ARHGAP20: variants seen among roughly 807,000 people sequenced by gnomAD.
The protein encoded by ARHGAP20 is rho GTPase-activating protein 20.
A neutral mutation model predicts 73.7 loss-of-function variants in ARHGAP20; 34 were observed. The observed-to-expected ratio is 0.46, with a 90% CI of 0.35 to 0.61. The LOEUF is 0.61. ARHGAP20 is among the 20% of genes least tolerant of loss of function. The pLI is 0.00. For missense variants in ARHGAP20, 1,314 were observed against 1,420.9 expected (o/e 0.92, Z 1.21); for synonymous variants, 523 against 518.2 (o/e 1.01, Z -0.13).
chr11:110,606,889 A>G, intron 8 of ARHGAP20, 140 bp from the exon 9 acceptor site: 1 of 727,476 alleles, frequency 1.4e-6, no homozygotes, highest in Non-Finnish European at 2.0e-6. Flanking sequence ...ATGATCATTT[A>G]CACTCTTACA....
rs371865417 is a variant in ARHGAP20 at position 110,606,649 on chromosome 11, C to A, written c.876G>T (p.Glu292Asp). The A allele has an allele frequency of 6.2e-7, 1 of 1,610,946 alleles. No homozygotes were observed. Among genetic ancestry groups the A allele is most frequent in the Non-Finnish European group, 8.5e-7 (1 of 1,179,158 alleles). Residue 292 changes from glutamate (E) to aspartate (D), a missense_variant, in exon 9 of 15, where the codon GAG becomes GAT. By Grantham distance (45) the Glu-to-Asp change is conservative. Transcript: ENST00000683387. Reference sequence around the variant, plus strand: ...GGGGGAGCTGTTCCATAAGGAAGGGCTCCTGGAGGTTGAAAGGGGTGGTAG... The same window carrying A: ...GGGGGAGCTGTTCCATAAGGAAGGGATCCTGGAGGTTGAAAGGGGTGGTAG... ...KDSTTPFNLQ[E>D]PFLMEQLPRE...
At chr11:110,685,606 T>G (rs899702894) in intron 2 of ARHGAP20, among the ~76,000 whole-genome samples, 1 of 152,172 alleles carries the variant, frequency 6.6e-6, no homozygotes, top group African/African-American at 2.4e-5. Flanking sequence ...AACTCATCAG[T>G]TAATTTAAAT....
intron 2 of ARHGAP20, among the ~76,000 whole-genome samples, chr11:110,669,002 T>C (rs1342671841): frequency 1.3e-5 from 2 of 152,044 alleles, no homozygotes; most frequent in Admixed American, 1.3e-4. Flanking sequence ...AAATGTAAAA[T>C]CTGAAACTAT....
intron 2 of ARHGAP20, among the ~76,000 whole-genome samples, chr11:110,635,878 T>C (rs552979750): frequency 3.2e-4 from 48 of 152,150 alleles, no homozygotes; most frequent in African/African-American, 1.2e-3. Flanking sequence ...TTCAAATGTA[T>C]AGAAAACAAA....
intron 11 of ARHGAP20, among the ~76,000 whole-genome samples, chr11:110,587,745 T>A (rs1947708428): frequency 1.3e-5 from 2 of 151,206 alleles, no homozygotes; most frequent in African/African-American, 4.8e-5. Context: ...TTTGTAGTCA[T>A]GTCACTTTAT....
At chr11:110,627,856 T>C (rs1948778341) in intron 3 of ARHGAP20, among the ~76,000 whole-genome samples, 1 of 152,208 alleles carries the variant, frequency 6.6e-6, no homozygotes, top group Admixed American at 6.5e-5. Context: ...AGAAAACTCA[T>C]GATTTTATTG....
intron 2 of ARHGAP20, among the ~76,000 whole-genome samples, chr11:110,671,510 G>A (rs899189879): frequency 5.3e-5 from 8 of 151,944 alleles, no homozygotes; most frequent in East Asian, 1.9e-4. Flanking sequence ...TGAGGCAAGC[G>A]AAGGAAATAA....
intron 2 of ARHGAP20, among the ~76,000 whole-genome samples, chr11:110,668,759 C>T (rs549193710): frequency 3.3e-5 from 5 of 152,304 alleles, no homozygotes; most frequent in African/African-American, 4.8e-5. Flanking sequence ...GGGAAACCAA[C>T]AAATTCATGC....
At chr11:110,647,887 G>A (rs1215832241) in intron 2 of ARHGAP20, among the ~76,000 whole-genome samples, 7 of 151,778 alleles carry the variant, frequency 4.6e-5, no homozygotes, top group South Asian at 2.1e-4. Context: ...AGGATCTCCC[G>A]TCTGAGAATG....
At chr11:110,614,412 A>C in intron 6 of ARHGAP20, 149 bp downstream of exon 6, 2 of 641,626 alleles carry the variant, frequency 3.1e-6, no homozygotes, top group South Asian at 4.0e-5. Context: ...AGGAAAATGC[A>C]TTTTCCCCCT....
At chr11:110,614,415 T>A in intron 6 of ARHGAP20, 146 bp downstream of exon 6, 1 of 647,930 alleles carries the variant, frequency 1.5e-6, no homozygotes, top group Non-Finnish European at 2.7e-6. Flanking sequence ...AAAATGCATT[T>A]TCCCCCTGTG....
chr11:110,662,411 T>G (rs1949634562), intron 2 of ARHGAP20, among the ~76,000 whole-genome samples: 1 of 151,906 alleles, frequency 6.6e-6, no homozygotes, highest in Non-Finnish European at 1.5e-5. Context: ...ATAGAAAAAC[T>G]ATTCCACGTG....
intron 9 of ARHGAP20, among the ~76,000 whole-genome samples, chr11:110,595,659 G>T (rs1040377591): frequency 5.9e-5 from 9 of 152,140 alleles, no homozygotes; most frequent in Non-Finnish European, 1.2e-4. Context: ...CAAACAAATG[G>T]AAGAACATTC....
At chr11:110,664,224 A>G (rs1311735819) in intron 2 of ARHGAP20, among the ~76,000 whole-genome samples, 3 of 152,202 alleles carry the variant, frequency 2.0e-5, no homozygotes, top group Non-Finnish European at 4.4e-5. Context: ...CTAGATTGTA[A>G]GGAAGAAGTA....
intron 2 of ARHGAP20, among the ~76,000 whole-genome samples, chr11:110,660,706 G>A (rs1027986957): frequency 2.8e-4 from 42 of 152,092 alleles, no homozygotes; most frequent in African/African-American, 9.9e-4. Context: ...ACATTCTCAG[G>A]TGAATATTTT....
intron 4 of ARHGAP20, among the ~76,000 whole-genome samples, chr11:110,616,609 C>A (rs575281543): frequency 6.6e-6 from 1 of 151,710 alleles, no homozygotes; most frequent in East Asian, 1.9e-4. Context: ...CATTTATTCA[C>A]TAACTTTATT....
chr11:110,581,007 C>CATCT lies in ARHGAP20; in HGVS notation c.1935_1938dup (p.Glu647ArgfsTer2). 1 of 1,614,180 alleles carries CATCT rather than the reference C, an allele frequency of 6.2e-7. No individual in the cohort carries two copies. Among genetic ancestry groups the CATCT allele is most frequent in the African/African-American group, 1.3e-5 (1 of 75,036 alleles). On this transcript the variant is annotated frameshift_variant, in exon 15 of 15. Coordinates refer to ENST00000683387, the MANE Select transcript of ARHGAP20 (RefSeq NM_001384657.1). LOFTEE classifies it low-confidence loss of function (END_TRUNC). ...AGAGGCCGTTTCATTTGAACATCTT[C>CATCT]ATCTTTAGAATGGGCCAAGTCAAAG... is the stretch of plus-strand genomic sequence containing the variant.
Position 110,639,249 on chromosome 11 carries a change from A to AC in ARHGAP20, c.189-8458dup, listed in dbSNP as rs372846985. The stretch of plus-strand genomic sequence containing the variant: ...ATATTTTATTCGATACCCCCCCCCC[A>AC]CAAGAGTTTTAAAAAACATTTGATT... On this transcript the variant is annotated intron_variant, in intron 2 of 14. Coordinates refer to ENST00000683387, the MANE Select transcript of ARHGAP20 (RefSeq NM_001384657.1). Among the ~76,000 whole-genome samples the AC allele has an allele frequency of 7.0e-3, 1,012 of 145,008 alleles. 6 individuals are homozygous for AC. The highest frequency in any genetic ancestry group is 0.021 in the African/African-American group (840 of 39,740).
chr11:110,702,642 G>A (rs920804181), intron 1 of ARHGAP20, among the ~76,000 whole-genome samples: 1 of 152,144 alleles, frequency 6.6e-6, no homozygotes, highest in Non-Finnish European at 1.5e-5. Flanking sequence ...AAACTCCATT[G>A]TCTCAGCCCA....
Sources: gnomAD v4.1 joint callset for allele counts (sites outside exome capture counted in the v4.1 genomes callset) on GRCh38, gnomAD v4.1.1 for gene constraint, MANE v1.5 for transcripts, NCBI Gene and HGNC (gene_info 2026-07-23, HGNC 2026-07-21) for gene names.